The following ADGRV1 variants were observed in gnomAD, a reference collection of about 807,000 sequenced individuals.
The protein encoded by ADGRV1 is adhesion G protein-coupled receptor V1.
ADGRV1 carries 359 observed loss-of-function variants against 596.2 expected under a neutral mutation model. That is an observed-to-expected ratio of 0.60 (90% CI 0.55 to 0.66). ADGRV1 has a LOEUF of 0.66. ADGRV1 is among the 30% of genes least tolerant of loss of function. The pLI is 0.00. For missense variants in ADGRV1, 7,274 were observed against 7,575.6 expected (o/e 0.96, Z 1.48); for synonymous variants, 2,681 against 2,679.2 (o/e 1.00, Z -0.02).
intron 21 of ADGRV1, among the ~76,000 whole-genome samples, chr5:90,662,388 T>G (rs2149493571): frequency 6.6e-6 from 1 of 151,688 alleles, no homozygotes; most frequent in Admixed American, 6.6e-5. Flanking sequence ...AGAGACGGGG[T>G]TTCACTGTGT....
At chr5:91,031,408 C>G (rs1784472712) in intron 85 of ADGRV1, 1 of 914,920 alleles carries the variant, frequency 1.1e-6, no homozygotes. Context: ...GTCCCGAAAA[C>G]CTTCCTGTTC....
intron 85 of ADGRV1, among the ~76,000 whole-genome samples, chr5:91,040,255 T>C (rs1204509150): frequency 2.0e-5 from 3 of 152,204 alleles, no homozygotes; most frequent in African/African-American, 7.2e-5. Flanking sequence ...ATATGAGAGA[T>C]AAATATTTTT....
rs80035186 is a variant in ADGRV1 at position 90,860,628 on chromosome 5, A to G, written c.17756-3129A>G. Among the ~76,000 whole-genome samples the G allele has an allele frequency of 8.3e-3, 1,267 of 152,280 alleles. 13 individuals carry two copies. Among genetic ancestry groups the G allele is most frequent in the African/African-American group, 0.029 (1,222 of 41,546 alleles). On this transcript the variant is annotated intron_variant, in intron 82 of 89. Coordinates refer to ENST00000405460, the MANE Select transcript of ADGRV1 (RefSeq NM_032119.4). ...ACAAGCACAGCAGTTAGGTTGGTGC[A>G]AAAGTAATTGCAGTTTTTGAAATTA...
chr5:90,916,455 G>A (rs1172798251), intron 83 of ADGRV1, among the ~76,000 whole-genome samples: 5 of 151,946 alleles, frequency 3.3e-5, no homozygotes, highest in Non-Finnish European at 7.4e-5. Flanking sequence ...TTTTGATGAG[G>A]CCCAGGCATT....
intron 44 of ADGRV1, 78 bp from the exon 45 acceptor site, chr5:90,720,857 G>T (rs565234707): frequency 8.4e-7 from 1 of 1,193,606 alleles, no homozygotes; most frequent in Non-Finnish European, 1.1e-6. Flanking sequence ...TTAAGTATAT[G>T]CTAGCAATAT....
chr5:90,817,421 G>C (rs1469373441), intron 75 of ADGRV1, among the ~76,000 whole-genome samples: 1 of 151,048 alleles, frequency 6.6e-6, no homozygotes, highest in Non-Finnish European at 1.5e-5. Flanking sequence ...AGTTTAATTA[G>C]ATCCCATTTG....
At chr5:90,856,797 A>T (rs2150420932) in intron 82 of ADGRV1, among the ~76,000 whole-genome samples, 1 of 152,258 alleles carries the variant, frequency 6.6e-6, no homozygotes, top group East Asian at 1.9e-4. Context: ...CCCACCCATG[A>T]TATTTGATTA....
intron 1 of ADGRV1, among the ~76,000 whole-genome samples, chr5:90,578,562 T>C (rs1580331004): frequency 6.6e-6 from 1 of 152,168 alleles, no homozygotes; most frequent in Non-Finnish European, 1.5e-5. Context: ...GGGATATTGG[T>C]CTAAAATTCT....
At chr5:90,737,812 G>A (rs530931359) in intron 50 of ADGRV1, among the ~76,000 whole-genome samples, 1 of 151,618 alleles carries the variant, frequency 6.6e-6, no homozygotes, top group African/African-American at 2.4e-5. Flanking sequence ...CACTTTATAT[G>A]TGTCGTTATT....
In ADGRV1 at chr5:91,150,137, C is replaced by A. The variant is rs745824130; in HGVS notation, c.18540C>A (p.Ala6180=). The change falls in exon 88 of 90, where the codon GCC becomes GCA. Residue 6180 remains alanine, a synonymous_variant. Coordinates refer to ENST00000405460, the MANE Select transcript of ADGRV1 (RefSeq NM_032119.4). ...ATGGGCATCCTGGACCCAGCACAGC[C>A]TTTTTCACGCCCGGGAGTGGAATGC... is the stretch of plus-strand genomic sequence containing the variant. ...EMNGHPGPST[A]FFTPGSGMPP... The A allele has an allele frequency of 2.5e-6, 4 of 1,594,356 alleles. No homozygotes were observed. The highest frequency in any genetic ancestry group is 2.3e-5 in the East Asian group (1 of 44,362).
rs79592388 is a variant in ADGRV1 at position 90,759,264 on chromosome 5, A to G, written c.11941-145A>G. The G allele has an allele frequency of 8.1e-3, 4,830 of 598,356 alleles. 194 individuals are homozygous for G. The highest frequency in any genetic ancestry group is 0.08 in the African/African-American group (4,322 of 53,986). 37.1% of individuals were successfully genotyped at this position (598,356 alleles called of 1,614,324 possible). A position where few individuals can be genotyped will look rare whatever the true frequency, so the allele number is the denominator to read the frequency against. On this transcript the variant is annotated intron_variant, in intron 57 of 89. Coordinates refer to ENST00000405460, the MANE Select transcript of ADGRV1 (RefSeq NM_032119.4). The stretch of plus-strand genomic sequence containing the variant: ...TACGCAAAAAGAACTACTTTTTAGT[A>G]CCATGTTTCTGAGATTTTTGGTTTC...
At chr5:90,875,458 G>C (rs1205672216) in intron 83 of ADGRV1, among the ~76,000 whole-genome samples, 1 of 152,164 alleles carries the variant, frequency 6.6e-6, no homozygotes, top group Non-Finnish European at 1.5e-5. Flanking sequence ...AAAACATTCT[G>C]ATTTCTAACT....
Position 90,961,381 on chromosome 5 carries a change from C to A in ADGRV1, c.17857-4034C>A, listed in dbSNP as rs906035241. Among the ~76,000 whole-genome samples, 5 of 150,296 alleles carry A rather than the reference C, an allele frequency of 3.3e-5. No homozygotes were observed. In the Admixed American group the frequency reaches 3.3e-4, roughly 10 times the overall value. On this transcript the variant is annotated intron_variant, in intron 83 of 89. Transcript: ENST00000405460. ...GCACGCCCTGTAGTTCCAGCTACTC[C>A]GGAGGCTGAGGCAGGAGATTCGCTT...
chr5:90,692,847 G>C, intron 32 of ADGRV1, 61 bp downstream of exon 32: 1 of 1,296,456 alleles, frequency 7.7e-7, no homozygotes, highest in Non-Finnish European at 1.1e-6. Flanking sequence ...GGTGGGGAAG[G>C]ATCCCTTGCA....
chr5:90,817,206 T>G (rs1170129562), intron 75 of ADGRV1, among the ~76,000 whole-genome samples: 1 of 151,762 alleles, frequency 6.6e-6, no homozygotes. Flanking sequence ...TGCATAAATG[T>G]CTTCTTTTGA....
intron 86 of ADGRV1, among the ~76,000 whole-genome samples, chr5:91,082,022 C>T (rs557694012): frequency 3.3e-4 from 50 of 152,186 alleles, no homozygotes; most frequent in Non-Finnish European, 6.0e-4. Flanking sequence ...ATCTTGATAC[C>T]CATGATAAAT....
chr5:90,577,956 G>A (rs1184220747), intron 1 of ADGRV1, among the ~76,000 whole-genome samples: 7 of 152,014 alleles, frequency 4.6e-5, no homozygotes, highest in Non-Finnish European at 8.8e-5. Context: ...TTTTGCACAC[G>A]GATTTTGTAT....
intron 87 of ADGRV1, among the ~76,000 whole-genome samples, chr5:91,109,961 G>A (rs1792222645): frequency 6.6e-6 from 1 of 152,184 alleles, no homozygotes; most frequent in Non-Finnish European, 1.5e-5. Flanking sequence ...GCCAATGACA[G>A]CTTCTGTCAC....
At chr5:90,806,229 C>T (rs924943204) in intron 72 of ADGRV1, among the ~76,000 whole-genome samples, 4 of 152,160 alleles carry the variant, frequency 2.6e-5, no homozygotes. Context: ...AAAATGACAA[C>T]ATTTTCATGC....
Sources: allele counts gnomAD v4.1 joint callset (sites outside exome capture counted in the v4.1 genomes callset), GRCh38; gene constraint gnomAD v4.1.1; transcripts MANE v1.5; gene names NCBI Gene and HGNC (gene_info 2026-07-23, HGNC 2026-07-21).